PRCP: variants seen among roughly 807,000 people sequenced by gnomAD.
PRCP encodes prolylcarboxypeptidase.
In PRCP, 46 loss-of-function variants were observed where a neutral mutation model predicts 54.2. The observed-to-expected ratio is 0.85, with a 90% CI of 0.67 to 1.09. The LOEUF (loss-of-function observed/expected upper bound fraction) is 1.09, where lower values mean the gene tolerates loss of function less well. PRCP is among the 50% of genes least tolerant of loss of function. The probability of loss-of-function intolerance (pLI) is 0.00; values close to 1 mark genes in which losing one functional copy is unlikely to be tolerated. For missense variants in PRCP, 613 were observed against 596.8 expected (o/e 1.03, Z -0.28); for synonymous variants, 240 against 212.2 (o/e 1.13, Z -1.14).
chr11:82,897,579 G>A (rs781320028), intron 1 of PRCP, among the ~76,000 whole-genome samples: 1 of 152,208 alleles, frequency 6.6e-6, no homozygotes, highest in Non-Finnish European at 1.5e-5. Context: ...TTAAATAGTG[G>A]GGAAGAGGGA....
chr11:82,835,904 C>T (rs1858512677), intron 8 of PRCP: 2 of 418,196 alleles, frequency 4.8e-6, no homozygotes, highest in East Asian at 7.2e-5. Flanking sequence ...ACTAAAGACA[C>T]AGCTCTAGCC....
intron 3 of PRCP, 80 bp downstream of exon 3, chr11:82,853,097 C>T: frequency 2.0e-6 from 2 of 982,556 alleles, no homozygotes; most frequent in Non-Finnish European, 3.0e-6. Context: ...TAAGTTATCT[C>T]ACAGTGGGGC....
chr11:82,888,489 G>A (rs1001056293), intron 1 of PRCP, among the ~76,000 whole-genome samples: 9 of 152,164 alleles, frequency 5.9e-5, no homozygotes, highest in African/African-American at 2.2e-4. Context: ...AATAAATACA[G>A]GTGGTACACA....
At chr11:82,880,980 C>T (rs1272099203) in intron 1 of PRCP, among the ~76,000 whole-genome samples, 1 of 152,124 alleles carries the variant, frequency 6.6e-6, no homozygotes, top group African/African-American at 2.4e-5. Context: ...TGCAATTTTC[C>T]CTCTTCTAGA....
At chr11:82,829,905 A>G (rs188410942) in intron 8 of PRCP, 8 of 152,364 alleles carry the variant, frequency 5.3e-5, no homozygotes, top group African/African-American at 1.9e-4. Context: ...AAAAGTTGAT[A>G]TAAATGATTA....
At chr11:82,865,220 G>A (rs139449485) in intron 1 of PRCP, among the ~76,000 whole-genome samples, 101 of 152,114 alleles carry the variant, frequency 6.6e-4, no homozygotes, top group African/African-American at 2.3e-3. Context: ...ACCCAATCCC[G>A]CCTCCAAGAA....
Position 82,849,149 on chromosome 11 carries a change from T to C in PRCP, c.821A>G (p.His274Arg), listed in dbSNP as rs773906375. Residue 274 changes from histidine (H) to arginine (R), a missense_variant, in exon 6 of 9, where the codon CAT (histidine) becomes CGT (arginine). Transcript: ENST00000313010. Reference protein sequence around the residue: ...CSPLTSQDIQHLKDWISETWV... With the variant: ...CSPLTSQDIQRLKDWISETWV... ...GGTTTCAGAGATCCAGTCTTTCAAATGTTGGATGTCCTGAGAAGTTAATGG... is the reference window on the plus strand; with the variant it reads ...GGTTTCAGAGATCCAGTCTTTCAAACGTTGGATGTCCTGAGAAGTTAATGG... 1 of 1,614,094 alleles carries C rather than the reference T, an allele frequency of 6.2e-7. No individual in the cohort carries two copies. The highest frequency in any genetic ancestry group is 8.5e-7 in the Non-Finnish European group (1 of 1,179,970).
chr11:82,867,271 G>A (rs971552598), intron 1 of PRCP, among the ~76,000 whole-genome samples: 17 of 152,218 alleles, frequency 1.1e-4, no homozygotes, highest in African/African-American at 3.4e-4. Context: ...ACACCCTCTC[G>A]AAAAATTCTG....
chr11:82,864,726 T>C (rs1859289892), intron 1 of PRCP, among the ~76,000 whole-genome samples: 1 of 152,218 alleles, frequency 6.6e-6, no homozygotes, highest in African/African-American at 2.4e-5. Context: ...TTTCATTTTT[T>C]CTTTTTTATA....
intron 4 of PRCP, 49 bp from the exon 5 acceptor site, chr11:82,850,120 T>TAC: frequency 2.4e-6 from 2 of 846,326 alleles, no homozygotes; most frequent in Non-Finnish European, 1.6e-6. Context: ...AAAAAATATA[T>TAC]ATATATATTA....
intron 2 of PRCP, among the ~76,000 whole-genome samples, chr11:82,856,971 G>A (rs999910413): frequency 2.7e-5 from 4 of 147,022 alleles, no homozygotes; most frequent in African/African-American, 7.6e-5. Flanking sequence ...GGGAGGCGAA[G>A]CTTGCAGTAG....
At chr11:82,838,223 A>C (rs571955178) in intron 8 of PRCP, among the ~76,000 whole-genome samples, 164 bp downstream of exon 8, 5 of 152,194 alleles carry the variant, frequency 3.3e-5, no homozygotes, top group African/African-American at 1.2e-4. Flanking sequence ...AAAAAATCCT[A>C]TCTCTTCTCA....
At chr11:82,896,637 C>A (rs1350447168) in intron 1 of PRCP, among the ~76,000 whole-genome samples, 2 of 145,696 alleles carry the variant, frequency 1.4e-5, no homozygotes, top group Non-Finnish European at 3.0e-5. Context: ...CGAGATCTCA[C>A]CACTGCACCC....
chr11:82,856,880 C>A (rs930731052), intron 2 of PRCP, among the ~76,000 whole-genome samples: 2 of 151,640 alleles, frequency 1.3e-5, no homozygotes, highest in Non-Finnish European at 2.9e-5. Context: ...ACTAAAAATA[C>A]AAAAAATTAG....
intron 6 of PRCP, among the ~76,000 whole-genome samples, chr11:82,845,023 G>T (rs1276252404): frequency 7.7e-6 from 1 of 129,234 alleles, no homozygotes; most frequent in East Asian, 2.3e-4. Context: ...AACATTAAAA[G>T]TATGTAATAG....
chr11:82,847,112 C>A (rs1858826570), intron 6 of PRCP, among the ~76,000 whole-genome samples: 1 of 152,222 alleles, frequency 6.6e-6, no homozygotes, highest in Admixed American at 6.5e-5. Flanking sequence ...CCTTTGAATG[C>A]AGAAAGTTTC....
At chr11:82,885,647 C>T (rs916681982) in intron 1 of PRCP, among the ~76,000 whole-genome samples, 1 of 152,154 alleles carries the variant, frequency 6.6e-6, no homozygotes, top group African/African-American at 2.4e-5. Flanking sequence ...AGATTTGACT[C>T]CCTAGTCTAA....
chr11:82,841,302 A>G (rs1356054341), intron 6 of PRCP, among the ~76,000 whole-genome samples: 4 of 151,800 alleles, frequency 2.6e-5, no homozygotes. Flanking sequence ...AAAAGAGAAA[A>G]TGAATTTTCA....
intron 8 of PRCP, among the ~76,000 whole-genome samples, chr11:82,833,781 G>A (rs1177786496): frequency 6.6e-6 from 1 of 152,096 alleles, no homozygotes; most frequent in Non-Finnish European, 1.5e-5. Context: ...ACTTCACAAA[G>A]GATAAGACTG....
Sources: gnomAD v4.1 joint callset for allele counts (sites outside exome capture counted in the v4.1 genomes callset) on GRCh38, gnomAD v4.1.1 for gene constraint, MANE v1.5 for transcripts, NCBI Gene and HGNC (gene_info 2026-07-23, HGNC 2026-07-21) for gene names.